The following TNRC6B variants were observed in gnomAD, a reference collection of about 807,000 sequenced individuals.
TNRC6B encodes the protein trinucleotide repeat containing adaptor 6B.
Under a neutral mutation model 203.6 loss-of-function variants are expected in TNRC6B, and 52 were observed. That is an observed-to-expected ratio of 0.26 (90% CI 0.20 to 0.32). The LOEUF (loss-of-function observed/expected upper bound fraction) is 0.32, where lower values mean the gene tolerates loss of function less well. TNRC6B is among the 10% of genes least tolerant of loss of function. The pLI is 1.00. For missense variants in TNRC6B, 1,923 were observed against 2,286.2 expected, an observed-to-expected ratio of 0.84 and a Z score of 3.24; for synonymous variants, 838 against 845.7, an observed-to-expected ratio of 0.99 and a Z score of 0.16.
At chr22:40,077,548 G>A (rs1054728988) in intron 1 of TNRC6B, among the ~76,000 whole-genome samples, 3 of 151,900 alleles carry the variant, frequency 2.0e-5, no homozygotes, top group Admixed American at 6.6e-5. Context: ...TCACACATAC[G>A]GTGATTCAGT....
rs534636986 is a variant in TNRC6B, at chr22:40,266,034, G to T, written c.1804G>T (p.Ala602Ser). The T allele has an allele frequency of 2.0e-5, 33 of 1,613,558 alleles. No homozygotes were observed. The highest frequency in any genetic ancestry group is 2.7e-5 in the Non-Finnish European group (32 of 1,179,914). ...SYRPTHPDCQ[A>S]VLQTLLSRTD... ...CAGGCCCACACATCCTGATTGTCAG[G>T]CTGTCTTGCAGACTCTTTTGAGCCG... The change falls in exon 5 of 23, where the codon GCT (alanine) becomes TCT (serine). Residue 602 changes from alanine (A) to serine (S), a missense_variant. Physicochemically the swap from Ala to Ser is moderately conservative, Grantham distance 99. Around this residue, in one of 8 missense-constraint regions of TNRC6B, gnomAD observed 614 missense variants for 587.7 expected, o/e 1.04. Coordinates refer to ENST00000454349, the MANE Select transcript of TNRC6B (RefSeq NM_001162501.2).
At chr22:40,301,875 G>A (rs2071028290) in intron 15 of TNRC6B, among the ~76,000 whole-genome samples, 2 of 152,084 alleles carry the variant, frequency 1.3e-5, no homozygotes, top group Admixed American at 6.6e-5. Context: ...TGTATGAATG[G>A]CAAACTGCTC....
At chr22:40,098,254 C>T (rs1049289843) in intron 1 of TNRC6B, among the ~76,000 whole-genome samples, 3 of 151,610 alleles carry the variant, frequency 2.0e-5, no homozygotes, top group Non-Finnish European at 2.9e-5. Context: ...GGTGCGGTGG[C>T]GGGTGCCTGT....
intron 1 of TNRC6B, among the ~76,000 whole-genome samples, chr22:40,085,869 T>C (rs2068096195): frequency 6.6e-6 from 1 of 151,906 alleles, no homozygotes; most frequent in African/African-American, 2.4e-5. Flanking sequence ...GTTGTTGTTG[T>C]TGTTGTTGTT....
At chr22:40,183,519 G>C (rs902591023) in intron 1 of TNRC6B, among the ~76,000 whole-genome samples, 2 of 152,000 alleles carry the variant, frequency 1.3e-5, no homozygotes, top group Non-Finnish European at 2.9e-5. Context: ...CGTTTACTTG[G>C]CTGTTTTTCA....
chr22:40,247,154 AG>A (rs1469323786), intron 2 of TNRC6B, among the ~76,000 whole-genome samples: 1 of 152,016 alleles, frequency 6.6e-6, no homozygotes, highest in East Asian at 1.9e-4. Flanking sequence ...CTGGCTCAGC[AG>A]GGTTGCTTTG....
intron 1 of TNRC6B, among the ~76,000 whole-genome samples, chr22:40,046,886 C>G (rs1268451307): frequency 6.6e-6 from 1 of 152,014 alleles, no homozygotes; most frequent in Non-Finnish European, 1.5e-5. Context: ...ACTTCATGAT[C>G]CGCCCGCCTC....
intron 12 of TNRC6B, among the ~76,000 whole-genome samples, chr22:40,287,303 C>A (rs1378529221): frequency 1.3e-5 from 2 of 152,182 alleles, no homozygotes; most frequent in African/African-American, 2.4e-5. Context: ...ACCACCGTGC[C>A]CAGCCTGTTT....
At chr22:40,214,926 G>T (rs562362942) in intron 1 of TNRC6B, among the ~76,000 whole-genome samples, 1 of 152,102 alleles carries the variant, frequency 6.6e-6, no homozygotes, top group Admixed American at 6.5e-5. Context: ...CAAAAAAATT[G>T]AATAAAGCAG....
intron 15 of TNRC6B, among the ~76,000 whole-genome samples, chr22:40,307,089 T>C (rs139395374): frequency 9.4e-4 from 133 of 141,186 alleles, no homozygotes; most frequent in African/African-American, 3.4e-3. Flanking sequence ...GTAAATTCGG[T>C]TACAGAGTGT....
chr22:40,052,389 C>T (rs2067754537), intron 1 of TNRC6B, among the ~76,000 whole-genome samples: 1 of 150,194 alleles, frequency 6.7e-6, no homozygotes, highest in African/African-American at 2.5e-5. Flanking sequence ...CAGCTGTACA[C>T]AGCCTCAGTG....
intron 1 of TNRC6B, among the ~76,000 whole-genome samples, chr22:40,229,942 A>G (rs1296900631): frequency 6.6e-6 from 1 of 152,166 alleles, no homozygotes; most frequent in Non-Finnish European, 1.5e-5. Flanking sequence ...TCTTTGTTGG[A>G]CATACGCTTT....
chr22:40,170,097 T>C (rs1005810019), intron 4 of TNRC6B, among the ~76,000 whole-genome samples: 1 of 150,486 alleles, frequency 6.6e-6, no homozygotes, highest in Admixed American at 6.7e-5. Context: ...CTGAGCAACA[T>C]GGTGAAACCC....
At chr22:40,080,910 G>A (rs1021378935) in intron 1 of TNRC6B, among the ~76,000 whole-genome samples, 1 of 151,034 alleles carries the variant, frequency 6.6e-6, no homozygotes, top group Non-Finnish European at 1.5e-5. Context: ...AGGCTGGAGT[G>A]CAGTGGTGCA....
Position 40,323,270 on chromosome 22 carries a change from A to C in TNRC6B, c.*29A>C, listed in dbSNP as rs1352985940. On this transcript the variant is annotated 3_prime_UTR_variant, in exon 23 of 23. Coordinates refer to ENST00000454349, the MANE Select transcript of TNRC6B (RefSeq NM_001162501.2). The stretch of plus-strand genomic sequence containing the variant: ...TAGAACTTTCAACTCTGACCTCGTG[A>C]CCTTTTTTGGAACAGCAGCAGCACT... 1.9e-6 allele frequency: 3 copies of C among 1,584,958 alleles called. No individual in the cohort carries two copies. The East Asian group carries it at 6.7e-5, about 36-fold the overall frequency.
chr22:40,164,794 T>C lies in TNRC6B; in HGVS notation c.113+8612T>C, dbSNP rs910611817. Among the ~76,000 whole-genome samples the C allele has an allele frequency of 5.3e-3, 480 of 91,196 alleles. 5 individuals are homozygous for C. Among genetic ancestry groups the C allele is most frequent in the Non-Finnish European group, 6.4e-3 (306 of 47,470 alleles). The allele number at this position is 91,196 out of a possible 152,430, so 59.8% of individuals were successfully genotyped here. A position where few individuals can be genotyped will look rare whatever the true frequency, so the allele number is the denominator to read the frequency against. On this transcript the variant is annotated intron_variant, in intron 4 of 23. Transcript: ENST00000301923. ...AAAAAAAAAAGTTTTTTTTTTTTTT[T>C]CCCTGAAATAGCGTCTCACTCTGCC...
intron 3 of TNRC6B, among the ~76,000 whole-genome samples, chr22:40,252,828 A>G (rs1287900437): frequency 2.0e-5 from 3 of 152,166 alleles, no homozygotes; most frequent in African/African-American, 7.2e-5. Flanking sequence ...AAACCAACAT[A>G]CTTTCTAGAA....
intron 1 of TNRC6B, among the ~76,000 whole-genome samples, chr22:40,187,978 G>T (rs1189450297): frequency 1.3e-5 from 2 of 152,162 alleles, no homozygotes; most frequent in African/African-American, 4.8e-5. Flanking sequence ...CCAGCACTTT[G>T]GGAGGCTGAG....
chr22:40,241,105 TTG>T (rs1174557756), intron 1 of TNRC6B, among the ~76,000 whole-genome samples: 14 of 152,182 alleles, frequency 9.2e-5, no homozygotes, highest in African/African-American at 3.4e-4. Flanking sequence ...AGCAATAGTT[TTG>T]TGTTTGTTGT....
Sources: allele counts gnomAD v4.1 joint callset (sites outside exome capture counted in the v4.1 genomes callset), GRCh38; gene constraint gnomAD v4.1.1; regional missense constraint gnomAD v4.1.1; transcripts MANE v1.5; gene names NCBI Gene and HGNC (gene_info 2026-07-23, HGNC 2026-07-21).